TGS1: variants seen among roughly 807,000 people sequenced by gnomAD.
The protein encoded by TGS1 is trimethylguanosine synthase.
Under a neutral mutation model 92.2 loss-of-function variants are expected in TGS1, and 69 were observed. The ratio of observed to expected loss-of-function variants is 0.75; its 90% CI spans 0.62 to 0.91. The LOEUF is 0.91. Among genes scored for constraint, TGS1 ranks in the 40% least tolerant of loss-of-function variants. The pLI, the probability that TGS1 is intolerant of heterozygous loss-of-function variation, is 0.00. For synonymous variants in TGS1, 345 were observed against 338.1 expected (o/e 1.02, Z -0.22); for missense variants, 1,062 against 1,001.2 (o/e 1.06, Z -0.82).
At chr8:55,802,936 T>C (rs1368112597) in intron 9 of TGS1, among the ~76,000 whole-genome samples, 1 of 151,802 alleles carries the variant, frequency 6.6e-6, no homozygotes, top group African/African-American at 2.4e-5. Context: ...ATTTCATTAA[T>C]TGTCCTAATC....
intron 1 of TGS1, among the ~76,000 whole-genome samples, chr8:55,777,167 C>T (rs1170130300): frequency 6.6e-6 from 1 of 152,002 alleles, no homozygotes; most frequent in African/African-American, 2.4e-5. Context: ...ACCACCATAC[C>T]TGCCTGATTT....
chr8:55,810,797 T>G (rs1279241666), intron 10 of TGS1, 84 bp from the exon 11 acceptor site: 12 of 1,128,462 alleles, frequency 1.1e-5, no homozygotes, highest in Non-Finnish European at 1.6e-5. Flanking sequence ...ATACAGAAGA[T>G]GACAGACTAT....
At chr8:55,798,877 A>G in intron 7 of TGS1, 37 bp from the exon 8 acceptor site, 3 of 1,503,730 alleles carry the variant, frequency 2.0e-6, no homozygotes, top group Non-Finnish European at 2.7e-6. Flanking sequence ...GTAGTTTGGA[A>G]TTAATTCCTG....
chr8:55,815,918 TTTTATTTA>T (rs142853626), intron 12 of TGS1, among the ~76,000 whole-genome samples: 20,351 of 150,576 alleles, frequency 0.14, 1,507 homozygotes, highest in African/African-American at 0.19. Context: ...AAGGACTAAT[TTTTATTTA>T]TTTATTTATT....
chr8:55,808,380 T>C (rs1263687175), intron 10 of TGS1, among the ~76,000 whole-genome samples: 1 of 152,192 alleles, frequency 6.6e-6, no homozygotes, highest in African/African-American at 2.4e-5. Context: ...GTATCTTCAT[T>C]TTGGCCTTAC....
chr8:55,811,291 C>T (rs949258289), intron 11 of TGS1, among the ~76,000 whole-genome samples, 194 bp downstream of exon 11: 2 of 151,404 alleles, frequency 1.3e-5, no homozygotes, highest in East Asian at 2.0e-4. Flanking sequence ...GGTGAAACCC[C>T]GTCTCTACTA....
At chr8:55,773,785 A>G (rs894315024) in intron 1 of TGS1, 66 bp downstream of exon 1, 3 of 1,326,038 alleles carry the variant, frequency 2.3e-6, no homozygotes, top group African/African-American at 1.5e-5. Flanking sequence ...AGGTATTGCA[A>G]ACGTGGTTGT....
At chr8:55,777,215 C>G (rs549566970) in intron 1 of TGS1, among the ~76,000 whole-genome samples, 1 of 151,870 alleles carries the variant, frequency 6.6e-6, no homozygotes, top group Non-Finnish European at 1.5e-5. Context: ...CACCTTGTTG[C>G]CCACACTGGT....
chr8:55,776,762 CTTA>C (rs1471189433), intron 1 of TGS1, among the ~76,000 whole-genome samples: 1 of 152,108 alleles, frequency 6.6e-6, no homozygotes, highest in Non-Finnish European at 1.5e-5. Flanking sequence ...CCTTAGATGA[CTTA>C]TTAAGTGCCA....
chr8:55,801,436 A>C (rs574686298), intron 8 of TGS1, among the ~76,000 whole-genome samples: 10 of 137,550 alleles, frequency 7.3e-5, no homozygotes, highest in African/African-American at 2.8e-4. Context: ...GTGCCCAGCT[A>C]ATTTTTGTAT....
chr8:55,819,953 C>T (rs1049863477), intron 12 of TGS1, among the ~76,000 whole-genome samples: 15 of 152,172 alleles, frequency 9.9e-5, no homozygotes, highest in Admixed American at 8.5e-4. Flanking sequence ...GCCAGTATTT[C>T]AGATGCTTGC....
At position 55,783,572 on chromosome 8, in the gene TGS1, A is replaced by G. The variant is rs144276154; in HGVS notation, c.166+760A>G. Among the ~76,000 whole-genome samples the G allele has an allele frequency of 3.4e-3, 523 of 152,322 alleles. 4 individuals carry two copies. The highest frequency in any genetic ancestry group is 6.8e-3 in the Middle Eastern group (2 of 294). On this transcript the variant is annotated intron_variant, in intron 2 of 12. Transcript: ENST00000260129. ...AAGTAAAGAGACTGTCATCTTGGTT[A>G]ACTTTCCCAAGTAACAAATATAATT... is the stretch of plus-strand genomic sequence containing the variant.
chr8:55,804,839 T>G lies in TGS1; in HGVS notation c.2000-54T>G, dbSNP rs1812319971. The G allele has an allele frequency of 1.9e-6, 3 of 1,547,370 alleles. 1 individual carries two copies. The African/African-American group carries it at 4.1e-5, about 21-fold the overall frequency. On this transcript the variant is annotated intron_variant, in intron 9 of 12. Coordinates refer to ENST00000260129, the MANE Select transcript of TGS1 (RefSeq NM_024831.8). ...ATAGTAATGTTTGCTATGTTTATGC[T>G]TGCCTTGGCTTCTTGAAATTGAACA...
intron 1 of TGS1, among the ~76,000 whole-genome samples, chr8:55,780,701 T>A (rs1490124709): frequency 6.6e-6 from 1 of 152,192 alleles, no homozygotes; most frequent in Non-Finnish European, 1.5e-5. Context: ...GAGTAGTTCT[T>A]GTCTTCTTCG....
chr8:55,797,907 A>G (rs1289083796), intron 7 of TGS1, among the ~76,000 whole-genome samples: 4 of 152,154 alleles, frequency 2.6e-5, no homozygotes, highest in South Asian at 2.1e-4. Context: ...TGCTACATAT[A>G]TATAGCTGGT....
At chr8:55,785,244 C>T (rs559470265) in intron 2 of TGS1, among the ~76,000 whole-genome samples, 5 of 151,710 alleles carry the variant, frequency 3.3e-5, no homozygotes, top group South Asian at 4.2e-4. Flanking sequence ...TTGGTAGAGA[C>T]GGGTTTTCAC....
rs771625607 is a variant in TGS1 at position 55,773,673 on chromosome 8, C to G, written c.55C>G (p.Arg19Gly). 1.8e-5 allele frequency: 29 copies of G among 1,610,452 alleles called. No homozygotes were observed. In the Admixed American group the frequency reaches 4.5e-4, roughly 25 times the overall value. The stretch of plus-strand genomic sequence containing the variant: ...GGAAATGTTTCTCTTCATTGAGGAG[C>G]GGGAGGATTGTAAGATACTGTGCCT... ...VAEMFLFIEEREDCKILCLCS... is the reference protein window; with the variant it reads ...VAEMFLFIEEGEDCKILCLCS... Residue 19 changes from arginine (R) to glycine (G), a missense_variant, in exon 1 of 13, where the codon CGG becomes GGG. Arg to Gly is a moderately radical substitution (Grantham distance 125). Transcript: ENST00000260129.
intron 2 of TGS1, among the ~76,000 whole-genome samples, chr8:55,783,685 A>T (rs1409055052): frequency 1.3e-5 from 2 of 152,194 alleles, no homozygotes. Flanking sequence ...TCCTAGACAC[A>T]GAGAAAATTA....
chr8:55,785,932 T>G, intron 3 of TGS1, 41 bp downstream of exon 3: 1 of 1,511,592 alleles, frequency 6.6e-7, no homozygotes, highest in East Asian at 2.3e-5. Context: ...TCTCTTCGTT[T>G]TCTTTATAAA....
Sources: allele counts gnomAD v4.1 joint callset (sites outside exome capture counted in the v4.1 genomes callset), GRCh38; gene constraint gnomAD v4.1.1; transcripts MANE v1.5; gene names NCBI Gene and HGNC (gene_info 2026-07-23, HGNC 2026-07-21).